HS2ST1: variants seen among roughly 807,000 people sequenced by gnomAD.
HS2ST1 encodes the protein 2-O-sulfotransferase.
In HS2ST1, 18 loss-of-function variants were observed where a neutral mutation model predicts 42.9. The observed-to-expected ratio is 0.42, with a 90% CI of 0.29 to 0.62. The LOEUF (loss-of-function observed/expected upper bound fraction) is 0.62. Among genes scored for constraint, HS2ST1 ranks in the 20% least tolerant of loss-of-function variants. HS2ST1 has a pLI of 0.21. For missense variants in HS2ST1, 334 were observed against 433.8 expected (o/e 0.77, Z 2.04); for synonymous variants, 146 against 152.9 (o/e 0.95, Z 0.33).
At chr1:86,946,092 G>A (rs1267997532) in intron 1 of HS2ST1, among the ~76,000 whole-genome samples, 1 of 152,048 alleles carries the variant, frequency 6.6e-6, no homozygotes, top group African/African-American at 2.4e-5. Context: ...GCCTATTTTG[G>A]CACCTTAAAT....
intron 1 of HS2ST1, among the ~76,000 whole-genome samples, chr1:87,013,005 G>A (rs1323186222): frequency 6.6e-6 from 1 of 152,238 alleles, no homozygotes; most frequent in African/African-American, 2.4e-5. Flanking sequence ...GCTTCGCAGG[G>A]TACAGCCTCC....
intron 1 of HS2ST1, among the ~76,000 whole-genome samples, chr1:87,047,157 C>A (rs1420900767): frequency 3.9e-5 from 6 of 152,154 alleles, no homozygotes; most frequent in Non-Finnish European, 7.4e-5. Flanking sequence ...GCCATTCTTA[C>A]AAATTTTTGT....
At chr1:87,006,309 T>C (rs565638792) in intron 1 of HS2ST1, among the ~76,000 whole-genome samples, 19 of 152,142 alleles carry the variant, frequency 1.2e-4, no homozygotes, top group African/African-American at 4.6e-4. Flanking sequence ...AAAGAAGACA[T>C]TTAGTAATGC....
chr1:86,915,186 G>C lies in HS2ST1; in HGVS notation c.124+26G>C, dbSNP rs758202705. 1.9e-6 allele frequency: 3 copies of C among 1,601,086 alleles called. No individual in the cohort carries two copies. In the South Asian group the frequency reaches 3.3e-5, roughly 18 times the overall value. Reference sequence around the variant, plus strand: ...GTGAGGAACTGAACTGCCCCGGGCTGAGTGCTGTGGAAGGGGCCGAGGAGG... The same window carrying C: ...GTGAGGAACTGAACTGCCCCGGGCTCAGTGCTGTGGAAGGGGCCGAGGAGG... On this transcript the variant is annotated intron_variant, in intron 1 of 6. Transcript: ENST00000370550.
At chr1:86,916,074 AAGAC>A (rs1428924331) in intron 1 of HS2ST1, among the ~76,000 whole-genome samples, 7 of 152,306 alleles carry the variant, frequency 4.6e-5, no homozygotes, top group Non-Finnish European at 4.4e-5. Flanking sequence ...GAAGTTGTGA[AAGAC>A]AGGCCAGAAA....
rs577657275 is a variant in HS2ST1, at chr1:87,081,693, A to G, written c.364-2501A>G. 3.9e-4 allele frequency among the ~76,000 whole-genome samples: 59 copies of G among 152,306 alleles called. 1 individual carries two copies. The highest frequency in any genetic ancestry group is 1.4e-3 in the African/African-American group (57 of 41,574). The stretch of plus-strand genomic sequence containing the variant: ...AGAAATAATGATGATCAGAACAGAA[A>G]TAAATGAAATTGAAACAAAAAAATA... On this transcript the variant is annotated intron_variant, in intron 2 of 6. Transcript: ENST00000370550.
At chr1:86,929,763 T>A (rs1343292490) in intron 1 of HS2ST1, among the ~76,000 whole-genome samples, 1 of 151,836 alleles carries the variant, frequency 6.6e-6, no homozygotes, top group Non-Finnish European at 1.5e-5. Flanking sequence ...GAAAAAGTTT[T>A]GTGTGATAGT....
chr1:87,073,279 G>T, intron 2 of HS2ST1, 107 bp downstream of exon 2: 2 of 791,202 alleles, frequency 2.5e-6, no homozygotes, highest in South Asian at 3.1e-5. Flanking sequence ...GCTGATCTCA[G>T]TGGATCATAA....
intron 6 of HS2ST1, among the ~76,000 whole-genome samples, chr1:87,104,045 A>G (rs1449711633): frequency 6.6e-6 from 1 of 151,978 alleles, no homozygotes; most frequent in Non-Finnish European, 1.5e-5. Flanking sequence ...AGTCATAGGA[A>G]CTCTTCTCCT....
chr1:86,986,104 T>A (rs902479823), intron 1 of HS2ST1, among the ~76,000 whole-genome samples: 1 of 151,706 alleles, frequency 6.6e-6, no homozygotes, highest in Non-Finnish European at 1.5e-5. Context: ...CAATCAGGAT[T>A]ATTTTATCTG....
chr1:87,048,765 A>G (rs1650760423), intron 1 of HS2ST1, among the ~76,000 whole-genome samples: 1 of 152,122 alleles, frequency 6.6e-6, no homozygotes, highest in Non-Finnish European at 1.5e-5. Context: ...AGCTTATTTA[A>G]TAAGGTAAGT....
intron 2 of HS2ST1, among the ~76,000 whole-genome samples, chr1:87,079,586 A>G (rs552431513): frequency 3.7e-4 from 56 of 152,348 alleles, no homozygotes; most frequent in African/African-American, 1.3e-3. Flanking sequence ...TAAATTTTAA[A>G]TCGGCCACAG....
intron 1 of HS2ST1, among the ~76,000 whole-genome samples, chr1:87,047,254 G>A (rs1355577568): frequency 6.6e-6 from 1 of 152,050 alleles, no homozygotes; most frequent in Admixed American, 6.5e-5. Context: ...TTGGGGAAGT[G>A]TCCAAATCCT....
At chr1:87,008,887 AG>A (rs1416991679) in intron 1 of HS2ST1, among the ~76,000 whole-genome samples, 12 of 152,300 alleles carry the variant, frequency 7.9e-5, no homozygotes, top group African/African-American at 2.9e-4. Flanking sequence ...TCTGTCACCC[AG>A]GCTAGAGTGC....
intron 1 of HS2ST1, among the ~76,000 whole-genome samples, chr1:87,012,041 C>G (rs186402473): frequency 3.3e-5 from 5 of 152,256 alleles, no homozygotes; most frequent in African/African-American, 1.2e-4. Flanking sequence ...TTAATTGATT[C>G]CCCTTTCCAC....
intron 1 of HS2ST1, among the ~76,000 whole-genome samples, chr1:87,012,441 C>T (rs552606932): frequency 1.2e-4 from 19 of 152,210 alleles, no homozygotes; most frequent in Middle Eastern, 3.4e-3. Context: ...AATCAGATCT[C>T]GTGAGACTTA....
At chr1:86,987,317 G>A (rs551148630) in intron 1 of HS2ST1, among the ~76,000 whole-genome samples, 7 of 152,066 alleles carry the variant, frequency 4.6e-5, no homozygotes, top group Middle Eastern at 3.4e-3. Context: ...TTCGTGATCC[G>A]TATGCCTCGG....
At chr1:86,999,076 A>G (rs1649194251) in intron 1 of HS2ST1, among the ~76,000 whole-genome samples, 3 of 152,082 alleles carry the variant, frequency 2.0e-5, no homozygotes, top group Non-Finnish European at 2.9e-5. Context: ...GTTTTAGAAA[A>G]TGTATACCAC....
chr1:87,061,887 C>T (rs1320378689), intron 1 of HS2ST1, among the ~76,000 whole-genome samples: 1 of 151,464 alleles, frequency 6.6e-6, no homozygotes, highest in Non-Finnish European at 1.5e-5. Flanking sequence ...GTCACTTCCT[C>T]ACTAACATTT....
Sources: gnomAD v4.1 joint callset for allele counts (sites outside exome capture counted in the v4.1 genomes callset) on GRCh38, gnomAD v4.1.1 for gene constraint, MANE v1.5 for transcripts, NCBI Gene and HGNC (gene_info 2026-07-23, HGNC 2026-07-21) for gene names.